The following KY variants were observed in gnomAD, a reference collection of about 807,000 sequenced individuals.
KY encodes the protein kyphoscoliosis peptidase.
KY carries 43 observed loss-of-function variants against 76.1 expected under a neutral mutation model. That is an observed-to-expected ratio of 0.57 (90% CI 0.44 to 0.73). KY has a LOEUF of 0.73. Among genes scored for constraint, KY ranks in the 30% least tolerant of loss-of-function variants. The pLI is 0.00. For synonymous variants in KY, 277 were observed against 326.2 expected (o/e 0.85, Z 1.63); for missense variants, 722 against 828.9 (o/e 0.87, Z 1.58).
intron 9 of KY, among the ~76,000 whole-genome samples, chr3:134,609,711 C>A (rs1959999819): frequency 6.6e-6 from 1 of 152,156 alleles, no homozygotes; most frequent in Non-Finnish European, 1.5e-5. Context: ...CCAATAGCAC[C>A]CCTTCCCCAA....
In KY at chr3:134,603,499, G is replaced by T; in HGVS notation, c.*80C>A. ...TTCATGCAGACTCAGTGGTGTCCAG[G>T]GCTCCCTGCACTTCCTTCGAGCCCT... is the stretch of plus-strand genomic sequence containing the variant. On this transcript the variant is annotated 3_prime_UTR_variant, in exon 11 of 11. Transcript: ENST00000423778. The T allele has an allele frequency of 7.7e-7, 1 of 1,302,140 alleles. No homozygotes were observed. Among genetic ancestry groups the T allele is most frequent in the Non-Finnish European group, 1.1e-6 (1 of 944,044 alleles). 80.7% of individuals were successfully genotyped at this position (1,302,140 alleles called of 1,614,324 possible).
chr3:134,648,967 A>T (rs1966763533), intron 1 of KY, among the ~76,000 whole-genome samples: 1 of 152,164 alleles, frequency 6.6e-6, no homozygotes, highest in African/African-American at 2.4e-5. Context: ...AGGCTTTGGA[A>T]CAAGCTGGTC....
At chr3:134,629,760 A>G in intron 3 of KY, 65 bp from the exon 4 acceptor site, 1 of 927,882 alleles carries the variant, frequency 1.1e-6, no homozygotes, top group Non-Finnish European at 1.7e-6. Context: ...ATGCCTCATG[A>G]CTGATGATTG....
At chr3:134,622,433 A>G (rs1962789804) in intron 6 of KY, among the ~76,000 whole-genome samples, 1 of 152,250 alleles carries the variant, frequency 6.6e-6, no homozygotes, top group Non-Finnish European at 1.5e-5. Flanking sequence ...GAACCTTGAA[A>G]ACATGATGCT....
At chr3:134,617,354 T>C (rs1315735921) in intron 8 of KY, among the ~76,000 whole-genome samples, 1 of 152,236 alleles carries the variant, frequency 6.6e-6, no homozygotes, top group Non-Finnish European at 1.5e-5. Flanking sequence ...ATAAGTCTGC[T>C]AGGAATATCC....
At chr3:134,610,949 G>A (rs1330870214) in intron 8 of KY, among the ~76,000 whole-genome samples, 1 of 152,184 alleles carries the variant, frequency 6.6e-6, no homozygotes, top group Admixed American at 6.5e-5. Flanking sequence ...TTCCTCCCAA[G>A]GATGCCTGCA....
At chr3:134,609,387 G>C (rs1031354528) in intron 9 of KY, among the ~76,000 whole-genome samples, 1 of 152,212 alleles carries the variant, frequency 6.6e-6, no homozygotes, top group Admixed American at 6.5e-5. Flanking sequence ...AAGAGGAGCA[G>C]TGTTGAGAAT....
chr3:134,612,663 T>A (rs1960695063), intron 8 of KY, among the ~76,000 whole-genome samples: 1 of 151,566 alleles, frequency 6.6e-6, no homozygotes, highest in Non-Finnish European at 1.5e-5. Flanking sequence ...TTGTGAAAAA[T>A]ATTTAGTGAG....
chr3:134,630,271 G>C (rs1268178126), intron 3 of KY, among the ~76,000 whole-genome samples: 1 of 152,162 alleles, frequency 6.6e-6, no homozygotes, highest in African/African-American at 2.4e-5. Flanking sequence ...CAGCCCCCAG[G>C]CAATTCTCTT....
At chr3:134,605,903 T>C (rs889099311) in intron 10 of KY, among the ~76,000 whole-genome samples, 1 of 152,218 alleles carries the variant, frequency 6.6e-6, no homozygotes, top group African/African-American at 2.4e-5. Flanking sequence ...ATGCCATTGC[T>C]TCCCCTTCTG....
intron 8 of KY, among the ~76,000 whole-genome samples, chr3:134,617,010 T>G (rs1007341731): frequency 6.6e-6 from 1 of 152,106 alleles, no homozygotes; most frequent in African/African-American, 2.4e-5. Context: ...GGTGGTAAAT[T>G]AAAAACTGGG....
intron 9 of KY, among the ~76,000 whole-genome samples, 156 bp from the exon 10 acceptor site, chr3:134,608,995 T>C (rs890410124): frequency 2.0e-5 from 3 of 152,128 alleles, no homozygotes; most frequent in Non-Finnish European, 4.4e-5. Context: ...AGTGGATGCT[T>C]CCAGAAATTG....
chr3:134,625,038 G>A lies in KY; in HGVS notation c.483+15C>T, dbSNP rs764370583. 16 of 1,581,492 alleles carry A rather than the reference G, an allele frequency of 1.0e-5. No homozygotes were observed. The highest frequency in any genetic ancestry group is 4.0e-5 in the African/African-American group (3 of 74,512). ...CCTTGAAGGGGCCCATGGTCAGAGCGGCCAGCTGTCCTACCTGTGAGGCGT... is the reference window on the plus strand; with the variant it reads ...CCTTGAAGGGGCCCATGGTCAGAGCAGCCAGCTGTCCTACCTGTGAGGCGT... On this transcript the variant is annotated intron_variant, in intron 6 of 10. Coordinates refer to ENST00000423778, the MANE Select transcript of KY (RefSeq NM_178554.6).
At chr3:134,641,256 T>G (rs1397924928) in intron 3 of KY, 3 of 152,228 alleles carry the variant, frequency 2.0e-5, no homozygotes, top group African/African-American at 7.2e-5. Context: ...TTTAGAGATA[T>G]CCATGCCAGA....
rs746393240 is a variant in KY, at chr3:134,604,410, A to T, written c.1155T>A (p.Asn385Lys). 1 of 1,613,962 alleles carries T rather than the reference A, an allele frequency of 6.2e-7. No homozygotes were observed. The highest frequency in any genetic ancestry group is 8.5e-7 in the Non-Finnish European group (1 of 1,179,884). ...TCAGCAGCCCATGCTCTTGCTTGCCATTGAGCATGAACATGAACAGCGTCG... is the reference window on the plus strand; with the variant it reads ...TCAGCAGCCCATGCTCTTGCTTGCCTTTGAGCATGAACATGAACAGCGTCG... The part of the protein sequence containing the change: ...CAPTLFMFML[N>K]GKQEHGLLSL... The change falls in exon 11 of 11, where the codon AAT (asparagine) becomes AAA (lysine). Residue 385 changes from asparagine to lysine, a missense_variant. Coordinates refer to ENST00000423778, the MANE Select transcript of KY (RefSeq NM_178554.6).
intron 3 of KY, among the ~76,000 whole-genome samples, chr3:134,631,331 C>T (rs763191864): frequency 8.5e-5 from 13 of 152,154 alleles, no homozygotes; most frequent in South Asian, 6.2e-4. Flanking sequence ...CAGTGAAAAG[C>T]GATGTAAAGC....
intron 5 of KY, among the ~76,000 whole-genome samples, chr3:134,626,943 C>T (rs976885521): frequency 2.0e-5 from 3 of 152,156 alleles, no homozygotes; most frequent in Non-Finnish European, 2.9e-5. Context: ...GCCATCAGGG[C>T]GATCTAAGTG....
chr3:134,646,330 G>A (rs1966437064), intron 2 of KY, among the ~76,000 whole-genome samples: 1 of 152,202 alleles, frequency 6.6e-6, no homozygotes, highest in East Asian at 1.9e-4. Context: ...CAGTGGTGGG[G>A]TGGGGATGGG....
intron 3 of KY, among the ~76,000 whole-genome samples, chr3:134,640,918 C>T (rs770970165): frequency 3.3e-5 from 5 of 152,204 alleles, no homozygotes; most frequent in Non-Finnish European, 7.3e-5. Flanking sequence ...ATGTCTACAA[C>T]CATCTAATGG....
Sources: allele counts gnomAD v4.1 joint callset (sites outside exome capture counted in the v4.1 genomes callset), GRCh38; gene constraint gnomAD v4.1.1; transcripts MANE v1.5; gene names NCBI Gene and HGNC (gene_info 2026-07-23, HGNC 2026-07-21).